The following CLSTN2 variants were observed in gnomAD, a reference collection of about 807,000 sequenced individuals.
The protein encoded by CLSTN2 is calsyntenin-2.
CLSTN2 carries 48 observed loss-of-function variants against 101.2 expected under a neutral mutation model. The ratio of observed to expected loss-of-function variants is 0.47; its 90% CI spans 0.38 to 0.60. CLSTN2 has a LOEUF of 0.60. CLSTN2 is among the 20% of genes least tolerant of loss of function. The pLI is 0.00. For synonymous variants in CLSTN2, 481 were observed against 463.6 expected, an observed-to-expected ratio of 1.04 and a Z score of -0.48; for missense variants, 1,160 against 1,238.2, an observed-to-expected ratio of 0.94 and a Z score of 0.95.
chr3:140,459,630 G>A lies in CLSTN2; in HGVS notation c.1083G>A (p.Arg361=). 6.2e-7 allele frequency: 1 copy of A among 1,614,152 alleles called. No homozygotes were observed. The highest frequency in any genetic ancestry group is 1.6e-4 in the Middle Eastern group (1 of 6,062). ...SSEMIFKFDG[R]QGAKVPDGIV... ...AGATGATCTTCAAGTTTGACGGCAG[G>A]CAGGGTGCCAAAGTCCCCGATGGGA... The change falls in exon 7 of 17, where the codon AGG becomes AGA. Residue 361 remains arginine, a synonymous_variant. Transcript: ENST00000458420.
chr3:140,263,164 G>A (rs574691390), intron 2 of CLSTN2, among the ~76,000 whole-genome samples: 2 of 151,968 alleles, frequency 1.3e-5, no homozygotes, highest in South Asian at 4.2e-4. Flanking sequence ...AAAAAGAAGG[G>A]GTTATTCAGA....
intron 1 of CLSTN2, among the ~76,000 whole-genome samples, chr3:140,011,950 A>G (rs2007083619): frequency 6.6e-6 from 1 of 152,080 alleles, no homozygotes; most frequent in South Asian, 2.1e-4. Flanking sequence ...GGGAGACCTG[A>G]AGGCCATTGC....
At chr3:140,311,253 TTAA>T (rs1246998285) in intron 2 of CLSTN2, among the ~76,000 whole-genome samples, 34 of 149,156 alleles carry the variant, frequency 2.3e-4, no homozygotes, top group East Asian at 1.2e-3. Context: ...AGTGTGTGAA[TTAA>T]TAATAATAAT....
chr3:139,943,962 C>T (rs981637933), intron 1 of CLSTN2, among the ~76,000 whole-genome samples: 8 of 152,188 alleles, frequency 5.3e-5, no homozygotes, highest in Admixed American at 2.0e-4. Context: ...CAAAATAGAT[C>T]CCAAACTCTC....
intron 1 of CLSTN2, among the ~76,000 whole-genome samples, chr3:140,072,450 AT>A (rs1232168458): frequency 2.6e-5 from 4 of 152,224 alleles, no homozygotes; most frequent in African/African-American, 7.2e-5. Context: ...ATGAATACAA[AT>A]AAAATTCAAA....
chr3:140,388,518 A>G (rs1223515258), intron 2 of CLSTN2, among the ~76,000 whole-genome samples: 1 of 152,236 alleles, frequency 6.6e-6, no homozygotes, highest in Non-Finnish European at 1.5e-5. Context: ...CTCTCCCTTT[A>G]GATTCCTATA....
At chr3:140,522,853 CCT>C (rs1474998684) in intron 8 of CLSTN2, among the ~76,000 whole-genome samples, 1 of 152,038 alleles carries the variant, frequency 6.6e-6, no homozygotes, top group African/African-American at 2.4e-5. Flanking sequence ...TCCTGTGGTT[CCT>C]GTTATGTGAG....
chr3:140,292,334 C>T (rs1193735771), intron 2 of CLSTN2, among the ~76,000 whole-genome samples: 1 of 152,232 alleles, frequency 6.6e-6, no homozygotes, highest in South Asian at 2.1e-4. Context: ...AAAATATCTC[C>T]TCCTCAATTA....
intron 9 of CLSTN2, among the ~76,000 whole-genome samples, chr3:140,538,307 G>T (rs755269278): frequency 6.6e-6 from 1 of 152,154 alleles, no homozygotes; most frequent in South Asian, 2.1e-4. Context: ...CTGGATCCTG[G>T]TCTTGCTGAA....
chr3:140,023,743 C>A (rs2007365294), intron 1 of CLSTN2, among the ~76,000 whole-genome samples: 1 of 152,160 alleles, frequency 6.6e-6, no homozygotes, highest in African/African-American at 2.4e-5. Context: ...CCTTGTTTAC[C>A]AAGAGGCTCT....
At chr3:140,197,578 TG>T (rs1310102443) in intron 2 of CLSTN2, among the ~76,000 whole-genome samples, 2 of 152,190 alleles carry the variant, frequency 1.3e-5, no homozygotes, top group African/African-American at 4.8e-5. Context: ...TTCTGATCGC[TG>T]GTTCTCAACT....
At chr3:140,310,476 G>T (rs187171701) in intron 2 of CLSTN2, among the ~76,000 whole-genome samples, 3 of 152,042 alleles carry the variant, frequency 2.0e-5, no homozygotes, top group Non-Finnish European at 4.4e-5. Flanking sequence ...CAACCCTTCC[G>T]CCCTCATTTC....
chr3:140,497,100 CAAAAAAA>C (rs57659394), intron 8 of CLSTN2, among the ~76,000 whole-genome samples: 1 of 87,986 alleles, frequency 1.1e-5, no homozygotes, highest in Non-Finnish European at 2.5e-5. Context: ...GACTCCGTCT[CAAAAAAA>C]AAAAAAAAAA....
chr3:139,999,188 T>G (rs1437465253), intron 1 of CLSTN2, among the ~76,000 whole-genome samples: 1 of 152,026 alleles, frequency 6.6e-6, no homozygotes, highest in East Asian at 1.9e-4. Context: ...AATTTCAACT[T>G]TTATTTTAGA....
chr3:140,443,910 A>C (rs974880945), intron 5 of CLSTN2, among the ~76,000 whole-genome samples: 10 of 152,332 alleles, frequency 6.6e-5, no homozygotes, highest in Admixed American at 5.9e-4. Context: ...CGCATTTGGC[A>C]GAGTTGAGAT....
chr3:140,422,036 G>A (rs1424297809), intron 5 of CLSTN2, among the ~76,000 whole-genome samples: 2 of 152,058 alleles, frequency 1.3e-5, no homozygotes, highest in African/African-American at 2.4e-5. Context: ...TTGGCTGCCC[G>A]ATGACTCCCT....
intron 1 of CLSTN2, among the ~76,000 whole-genome samples, chr3:140,077,405 G>C (rs552122136): frequency 2.0e-5 from 3 of 152,286 alleles, no homozygotes; most frequent in Non-Finnish European, 4.4e-5. Context: ...TTACATCATA[G>C]AGTTCTCAGT....
intron 7 of CLSTN2, among the ~76,000 whole-genome samples, chr3:140,462,134 A>G (rs1203914904): frequency 1.3e-5 from 2 of 152,220 alleles, no homozygotes; most frequent in African/African-American, 4.8e-5. Flanking sequence ...ACATTTCATT[A>G]CAATGTTATT....
At chr3:140,172,767 G>A (rs2010259840) in intron 1 of CLSTN2, among the ~76,000 whole-genome samples, 1 of 152,162 alleles carries the variant, frequency 6.6e-6, no homozygotes, top group South Asian at 2.1e-4. Context: ...AGAGAATGAG[G>A]AAGATGCAAA....
Sources: gnomAD v4.1 joint callset for allele counts (sites outside exome capture counted in the v4.1 genomes callset) on GRCh38, gnomAD v4.1.1 for gene constraint, MANE v1.5 for transcripts, NCBI Gene and HGNC (gene_info 2026-07-23, HGNC 2026-07-21) for gene names.